PDE1A: variants seen among roughly 807,000 people sequenced by gnomAD.
PDE1A encodes the protein phosphodiesterase 1A, also known as dual specificity calcium/calmodulin-dependent 3',5'-cyclic nucleotide phosphodiesterase 1A.
In PDE1A, 35 loss-of-function variants were observed where a neutral mutation model predicts 61.7. The observed-to-expected ratio is 0.57, with a 90% CI of 0.43 to 0.75. The LOEUF is 0.75. PDE1A is among the 30% of genes least tolerant of loss of function. The probability of loss-of-function intolerance (pLI) is 0.00; values close to 1 mark genes in which losing one functional copy is unlikely to be tolerated. For synonymous variants in PDE1A, 232 were observed against 213.2 expected, an observed-to-expected ratio of 1.09 and a Z score of -0.77; for missense variants, 597 against 630.6, an observed-to-expected ratio of 0.95 and a Z score of 0.57.
At chr2:182,532,296 T>C in the PDE1A span, among the ~76,000 whole-genome samples, 1 of 152,204 alleles carries the variant, frequency 6.6e-6, no homozygotes, top group Non-Finnish European at 1.5e-5. Context: ...GATATGCTAA[T>C]TACCCTGATG....
intron 1 of PDE1A, among the ~76,000 whole-genome samples, chr2:182,369,811 T>C (rs1700029319): frequency 6.6e-6 from 1 of 152,110 alleles, no homozygotes; most frequent in Non-Finnish European, 1.5e-5. Flanking sequence ...AAACCAAGTG[T>C]AGTGCAAATG....
At chr2:182,204,625 C>T (rs752312922) in intron 8 of PDE1A, among the ~76,000 whole-genome samples, 1 of 152,100 alleles carries the variant, frequency 6.6e-6, no homozygotes, top group Non-Finnish European at 1.5e-5. Context: ...TCTCTAGTTA[C>T]TTTATTGTAG....
At chr2:182,439,111 A>T (rs1684628422) in intron 2 of PDE1A, among the ~76,000 whole-genome samples, 1 of 152,066 alleles carries the variant, frequency 6.6e-6, no homozygotes, top group Non-Finnish European at 1.5e-5. Flanking sequence ...TAGATTTCTG[A>T]TTTGTTATCT....
chr2:182,268,512 T>A (rs1692791255), intron 1 of PDE1A, among the ~76,000 whole-genome samples: 1 of 152,034 alleles, frequency 6.6e-6, no homozygotes, highest in Non-Finnish European at 1.5e-5. Flanking sequence ...AACAATACCT[T>A]CTTCAAGGTA....
chr2:182,395,744 G>A (rs1701668725), intron 1 of PDE1A, among the ~76,000 whole-genome samples: 1 of 152,204 alleles, frequency 6.6e-6, no homozygotes, highest in Admixed American at 6.5e-5. Flanking sequence ...TAGGGATGCT[G>A]TTTGGAGCCT....
the PDE1A span, among the ~76,000 whole-genome samples, chr2:182,672,148 A>G: frequency 6.6e-6 from 1 of 152,208 alleles, no homozygotes; most frequent in Non-Finnish European, 1.5e-5. Flanking sequence ...CTGAGGATGT[A>G]GTAGGTATTT....
downstream of PDE1A, chr2:182,143,109 C>T (rs1690305618): frequency 6.6e-6 from 1 of 152,020 alleles, no homozygotes; most frequent in Non-Finnish European, 1.5e-5. Context: ...GCATGCTAGT[C>T]AAAGAGTACA....
chr2:182,242,889 T>TCTCTCC (rs780431414), intron 2 of PDE1A, among the ~76,000 whole-genome samples: 1,391 of 132,090 alleles, frequency 0.011, 24 homozygotes, highest in Middle Eastern at 0.02. Context: ...CCTCCCTCTC[T>TCTCTCC]CTCTCTCTCC....
intron 1 of PDE1A, among the ~76,000 whole-genome samples, chr2:182,414,041 C>A (rs527553028): frequency 6.6e-6 from 1 of 151,888 alleles, no homozygotes; most frequent in South Asian, 2.1e-4. Context: ...AAATGTGAAT[C>A]GGCACTCAGA....
the PDE1A span, among the ~76,000 whole-genome samples, chr2:182,673,358 C>T: frequency 3.3e-5 from 5 of 152,122 alleles, no homozygotes; most frequent in African/African-American, 1.2e-4. Flanking sequence ...TGTTGAAAGA[C>T]AATGTTCCAT....
intron 1 of PDE1A, among the ~76,000 whole-genome samples, chr2:182,377,284 T>C (rs1242395986): frequency 6.6e-6 from 1 of 152,070 alleles, no homozygotes; most frequent in African/African-American, 2.4e-5. Flanking sequence ...GGATTAGAAG[T>C]GTGCAGCACC....
chr2:182,380,128 T>TG (rs1700642902), intron 1 of PDE1A, among the ~76,000 whole-genome samples: 1 of 124,286 alleles, frequency 8.0e-6, no homozygotes, highest in Non-Finnish European at 1.7e-5. Context: ...TTTTTTTTTT[T>TG]GAGACAGAGT....
intron 1 of PDE1A, among the ~76,000 whole-genome samples, chr2:182,288,213 G>A (rs1238139345): frequency 6.6e-6 from 1 of 152,064 alleles, no homozygotes; most frequent in Admixed American, 6.6e-5. Context: ...GAGAACTTTT[G>A]ATATGCCAGT....
chr2:182,203,603 T>C (rs959429072), intron 8 of PDE1A, among the ~76,000 whole-genome samples: 1 of 152,180 alleles, frequency 6.6e-6, no homozygotes, highest in Admixed American at 6.6e-5. Context: ...TAGAATCTAA[T>C]AAGTATATTG....
intron 7 of PDE1A, among the ~76,000 whole-genome samples, chr2:182,210,451 C>T (rs1013864138): frequency 6.6e-6 from 1 of 152,094 alleles, no homozygotes; most frequent in Non-Finnish European, 1.5e-5. Flanking sequence ...TGTATATCTT[C>T]CTAGCTGGAG....
chr2:182,619,852 C>A, the PDE1A span, among the ~76,000 whole-genome samples: 1 of 152,126 alleles, frequency 6.6e-6, no homozygotes, highest in Admixed American at 6.5e-5. Context: ...ATGGTACCAG[C>A]ACCTTGCAAG....
intron 1 of PDE1A, among the ~76,000 whole-genome samples, chr2:182,278,777 C>T (rs866272350): frequency 7.2e-5 from 11 of 151,914 alleles, no homozygotes; most frequent in African/African-American, 2.4e-4. Flanking sequence ...TATAGTAGCC[C>T]AGCAATGATT....
At chr2:182,598,319 T>G in the PDE1A span, among the ~76,000 whole-genome samples, 2 of 152,156 alleles carry the variant, frequency 1.3e-5, no homozygotes, top group Non-Finnish European at 2.9e-5. Flanking sequence ...CGCCTGTAAT[T>G]CCAGCATATT....
At chr2:182,635,423 T>C in the PDE1A span, among the ~76,000 whole-genome samples, 79 of 152,218 alleles carry the variant, frequency 5.2e-4, 2 homozygotes, top group East Asian at 0.013. Context: ...TCCTGGACCT[T>C]TTTTGTTTAA....
Sources: allele counts gnomAD v4.1 joint callset (sites outside exome capture counted in the v4.1 genomes callset), GRCh38; gene constraint gnomAD v4.1.1; transcripts MANE v1.5; gene names NCBI Gene and HGNC (gene_info 2026-07-23, HGNC 2026-07-21).